The following MLXIP variants were observed in gnomAD, a reference collection of about 807,000 sequenced individuals.
MLXIP encodes MLX-interacting protein.
A neutral mutation model predicts 87.2 loss-of-function variants in MLXIP; 30 were observed. The ratio of observed to expected loss-of-function variants is 0.34; its 90% CI spans 0.26 to 0.47. The LOEUF (loss-of-function observed/expected upper bound fraction) is 0.47, where lower values mean the gene tolerates loss of function less well. Ranked by LOEUF, MLXIP falls within the 20% of genes least tolerant of loss-of-function variation. The pLI is 1.00. For missense variants in MLXIP, 1,002 were observed against 1,240.1 expected, an observed-to-expected ratio of 0.81 and a Z score of 2.88; for synonymous variants, 530 against 514.0, an observed-to-expected ratio of 1.03 and a Z score of -0.42.
chr12:122,081,980 C>T (rs961369187), intron 1 of MLXIP, among the ~76,000 whole-genome samples: 2 of 152,186 alleles, frequency 1.3e-5, no homozygotes, highest in African/African-American at 4.8e-5. Context: ...CAGCTGTTTC[C>T]AGATGAGGTT....
chr12:122,141,555 T>A, intron 16 of MLXIP, 136 bp from the exon 17 acceptor site: 1 of 1,361,474 alleles, frequency 7.3e-7, no homozygotes, highest in Non-Finnish European at 9.6e-7. Context: ...CCCCTGGCAC[T>A]CCTCCCTGCA....
chr12:122,123,000 G>T (rs1472578801), intron 1 of MLXIP, among the ~76,000 whole-genome samples: 3 of 152,044 alleles, frequency 2.0e-5, no homozygotes, highest in African/African-American at 4.8e-5. Flanking sequence ...CCCATTGTGG[G>T]ACTTTTAGAG....
Position 122,078,889 on chromosome 12 carries a change from G to A in MLXIP, c.36G>A (p.Arg12=), listed in dbSNP as rs758984363. 41 of 1,138,860 alleles carry A rather than the reference G, an allele frequency of 3.6e-5. 1 individual carries two copies. The highest frequency in any genetic ancestry group is 7.3e-4 in the Middle Eastern group (2 of 2,746). 70.5% of individuals were successfully genotyped at this position (1,138,860 alleles called of 1,614,324 possible). ...ACGTCTTCATGTGCTCCCCGCGCCGGCCTCGCAGCCGGGGCCGCCAGGTGC... is the reference window on the plus strand; with the variant it reads ...ACGTCTTCATGTGCTCCCCGCGCCGACCTCGCAGCCGGGGCCGCCAGGTGC... ...AADVFMCSPR[R]PRSRGRQVLL... Residue 12 remains arginine (R), a synonymous_variant, in exon 1 of 17, where the codon CGG becomes CGA. Transcript: ENST00000319080.
In MLXIP at chr12:122,141,961, T is replaced by C; in HGVS notation, c.*149T>C. On this transcript the variant is annotated 3_prime_UTR_variant, in exon 17 of 17. Coordinates refer to ENST00000319080, the MANE Select transcript of MLXIP (RefSeq NM_014938.6). ...CCACCGTGGCATCGGGAGGCCATGC[T>C]CAGGTCTGAAGCAGGTTTGGGGCCT... 1.6e-6 allele frequency: 2 copies of C among 1,270,888 alleles called. No homozygotes were observed. The highest frequency in any genetic ancestry group is 1.1e-6 in the Non-Finnish European group (1 of 929,106). 78.7% of individuals were successfully genotyped at this position (1,270,888 alleles called of 1,614,324 possible).
chr12:122,103,694 AT>A (rs765295584), intron 1 of MLXIP, among the ~76,000 whole-genome samples: 563 of 110,380 alleles, frequency 5.1e-3, no homozygotes, highest in Admixed American at 6.4e-3. Flanking sequence ...TAATTTTTGT[AT>A]TTTTTTTTTT....
intron 1 of MLXIP, among the ~76,000 whole-genome samples, chr12:122,091,642 A>C (rs144738136): frequency 0.03 from 4,582 of 152,320 alleles, 217 homozygotes; most frequent in African/African-American, 0.1. Context: ...TGTAAGGCTA[A>C]AAAGACCTTT....
At chr12:122,131,465 T>TTTTTG (rs1952977978) in intron 7 of MLXIP, among the ~76,000 whole-genome samples, 1 of 148,504 alleles carries the variant, frequency 6.7e-6, no homozygotes, top group African/African-American at 2.5e-5. Flanking sequence ...TTTTTTTTTT[T>TTTTTG]TAGAGACAGG....
At position 122,133,310 on chromosome 12, in the gene MLXIP, C is replaced by T. The variant is rs568278856; in HGVS notation, c.1093-38C>T. ...CAGCGCTAGAAAGGAATTGTCTGAC[C>T]CCAGCATTGCTTCCTGGCTCCTTTC... On this transcript the variant is annotated intron_variant, in intron 8 of 16. Transcript: ENST00000319080. The surrounding 1 kb of genome is among the most constrained non-coding windows in gnomAD (Gnocchi z 4.9). 36 of 1,526,396 alleles carry T rather than the reference C, an allele frequency of 2.4e-5. No individual in the cohort carries two copies. Among genetic ancestry groups the T allele is most frequent in the Non-Finnish European group, 3.0e-5 (34 of 1,137,810 alleles). 94.6% of individuals were successfully genotyped at this position (1,526,396 alleles called of 1,614,324 possible). A position where few individuals can be genotyped will look rare whatever the true frequency, so the allele number is the denominator to read the frequency against.
intron 1 of MLXIP, among the ~76,000 whole-genome samples, chr12:122,086,790 A>C (rs1952173763): frequency 6.6e-6 from 1 of 151,916 alleles, no homozygotes; most frequent in African/African-American, 2.4e-5. Context: ...TTCAGTGGAG[A>C]CTGGTCCTGG....
intron 15 of MLXIP, among the ~76,000 whole-genome samples, chr12:122,139,554 G>A (rs1432126736): frequency 6.6e-6 from 1 of 152,216 alleles, no homozygotes; most frequent in African/African-American, 2.4e-5. Flanking sequence ...GTGGCATTGG[G>A]GCAAGGGTCT....
intron 7 of MLXIP, among the ~76,000 whole-genome samples, chr12:122,131,797 C>T (rs141498355): frequency 9.2e-5 from 14 of 151,946 alleles, no homozygotes; most frequent in East Asian, 1.9e-4. Context: ...GGCAAGAACA[C>T]GGCTCACTGC....
chr12:122,101,892 G>GT (rs1297294538), intron 1 of MLXIP, among the ~76,000 whole-genome samples: 1 of 152,114 alleles, frequency 6.6e-6, no homozygotes, highest in Non-Finnish European at 1.5e-5. Context: ...TCTTCAAGAA[G>GT]TTTTATAGTT....
At chr12:122,139,342 C>T (rs1160117979) in intron 15 of MLXIP, among the ~76,000 whole-genome samples, 4 of 152,202 alleles carry the variant, frequency 2.6e-5, no homozygotes, top group African/African-American at 7.2e-5. Context: ...GAAACCAGGA[C>T]TCCCTCCACT....
At position 122,137,332 on chromosome 12, in the gene MLXIP, G is replaced by A. The variant is rs1022437136; in HGVS notation, c.2033-137G>A. Reference sequence around the variant, plus strand: ...GAATAAGAATAATCTAAGGAAGCATGTGTGTGCAGTTGAAAGAACCAAGTG... The same window carrying A: ...GAATAAGAATAATCTAAGGAAGCATATGTGTGCAGTTGAAAGAACCAAGTG... On this transcript the variant is annotated intron_variant, in intron 11 of 16. Transcript: ENST00000319080. This position sits in a 1 kb window ranked among gnomAD's most constrained non-coding sequence, Gnocchi z 4.1. 8 of 820,986 alleles carry A rather than the reference G, an allele frequency of 9.7e-6. No individual in the cohort carries two copies. Among genetic ancestry groups the A allele is most frequent in the Non-Finnish European group, 1.5e-5 (8 of 548,730 alleles). The allele number at this position is 820,986 out of a possible 1,614,324, so 50.9% of individuals were successfully genotyped here.
intron 1 of MLXIP, among the ~76,000 whole-genome samples, chr12:122,092,548 A>T (rs1386596856): frequency 1.3e-5 from 2 of 151,994 alleles, no homozygotes; most frequent in African/African-American, 4.8e-5. Flanking sequence ...ACGGTTAGTT[A>T]CTCTGAGTTA....
chr12:122,078,791 C>G lies in MLXIP; in HGVS notation c.-63C>G, dbSNP rs1466214910. The G allele has an allele frequency of 2.9e-6, 3 of 1,027,378 alleles. No individual in the cohort carries two copies. Among genetic ancestry groups the G allele is most frequent in the Non-Finnish European group, 3.5e-6 (3 of 858,932 alleles). 63.6% of individuals were successfully genotyped at this position (1,027,378 alleles called of 1,614,324 possible). On this transcript the variant is annotated 5_prime_UTR_variant, in exon 1 of 17. Transcript: ENST00000319080. ...CGGGCCGGGCCGGGCCGGCGCCCCT[C>G]TGCCTCGCGCGCTTGTCGCGTTGCC...
chr12:122,125,441 A>G (rs1189101085), intron 1 of MLXIP, among the ~76,000 whole-genome samples: 4 of 152,212 alleles, frequency 2.6e-5, no homozygotes, highest in African/African-American at 9.7e-5. Context: ...TGTGTGTCTA[A>G]ACATGTATGT....
intron 1 of MLXIP, among the ~76,000 whole-genome samples, chr12:122,085,426 T>C (rs1404224033): frequency 6.6e-6 from 1 of 150,552 alleles, no homozygotes; most frequent in African/African-American, 2.4e-5. Flanking sequence ...TTTTTTGAGA[T>C]GGAGTCTCGC....
chr12:122,138,662 C>T, intron 14 of MLXIP, 111 bp downstream of exon 14: 1 of 1,497,752 alleles, frequency 6.7e-7, no homozygotes, highest in Non-Finnish European at 8.9e-7. Context: ...CTCTTTGCTG[C>T]AGTAGTTCTG....
Sources: allele counts gnomAD v4.1 joint callset (sites outside exome capture counted in the v4.1 genomes callset), GRCh38; gene constraint gnomAD v4.1.1; non-coding constraint Gnocchi (gnomAD v3.1); transcripts MANE v1.5; gene names NCBI Gene and HGNC (gene_info 2026-07-23, HGNC 2026-07-21).